CBLB: variants seen among roughly 807,000 people sequenced by gnomAD.
The protein encoded by CBLB is E3 ubiquitin-protein ligase CBL-B.
Under a neutral mutation model 104.9 loss-of-function variants are expected in CBLB, and 31 were observed. The observed-to-expected ratio is 0.30, with a 90% CI of 0.22 to 0.40. The LOEUF is 0.40. Ranked by LOEUF, CBLB falls within the 10% of genes least tolerant of loss-of-function variation. The pLI, the probability that CBLB is intolerant of heterozygous loss-of-function variation, is 1.00. For synonymous variants in CBLB, 440 were observed against 422.6 expected (o/e 1.04, Z -0.51); for missense variants, 1,062 against 1,214.6 (o/e 0.87, Z 1.87).
chr3:105,740,327 C>G (rs1414120151), intron 7 of CBLB, among the ~76,000 whole-genome samples, 167 bp downstream of exon 7: 2 of 151,988 alleles, frequency 1.3e-5, no homozygotes, highest in African/African-American at 4.8e-5. Context: ...ATTAGGTTAC[C>G]TTAAAATGAT....
intron 3 of CBLB, among the ~76,000 whole-genome samples, chr3:105,815,535 A>T (rs1476741760): frequency 1.3e-5 from 2 of 152,216 alleles, no homozygotes; most frequent in African/African-American, 2.4e-5. Context: ...ATCACTAAAA[A>T]GTCAGGAAAA....
intron 12 of CBLB, among the ~76,000 whole-genome samples, chr3:105,694,024 C>T (rs55782309): frequency 0.02 from 3,041 of 151,858 alleles, 45 homozygotes; most frequent in Non-Finnish European, 0.029. Context: ...CCATGGTGAA[C>T]GGAACATTCT....
chr3:105,803,248 A>G (rs1018761258), intron 3 of CBLB, among the ~76,000 whole-genome samples: 11 of 152,202 alleles, frequency 7.2e-5, no homozygotes, highest in African/African-American at 2.7e-4. Context: ...TAATTATGGA[A>G]CTTCTACTTA....
At chr3:105,780,323 A>G (rs2152973067) in intron 3 of CBLB, among the ~76,000 whole-genome samples, 1 of 152,246 alleles carries the variant, frequency 6.6e-6, no homozygotes, top group African/African-American at 2.4e-5. Flanking sequence ...AATCTTCCCT[A>G]AGCCCATGGG....
chr3:105,735,688 C>T (rs998664415), intron 8 of CBLB, among the ~76,000 whole-genome samples: 2 of 152,154 alleles, frequency 1.3e-5, no homozygotes, highest in Middle Eastern at 3.2e-3. Context: ...TGGTGGCTCA[C>T]GCCTGTAATC....
chr3:105,799,264 G>C (rs563328863), intron 3 of CBLB, among the ~76,000 whole-genome samples: 1 of 149,370 alleles, frequency 6.7e-6, no homozygotes, highest in East Asian at 2.0e-4. Context: ...AAATAAAAAA[G>C]CAAATTAGCA....
chr3:105,807,368 G>A (rs997181760), intron 3 of CBLB, among the ~76,000 whole-genome samples: 9 of 152,144 alleles, frequency 5.9e-5, no homozygotes, highest in African/African-American at 1.9e-4. Context: ...AACAGGTTGG[G>A]CAACATGTCC....
At chr3:105,773,591 T>C (rs1243669567) in intron 4 of CBLB, among the ~76,000 whole-genome samples, 2 of 152,180 alleles carry the variant, frequency 1.3e-5, no homozygotes, top group Non-Finnish European at 2.9e-5. Flanking sequence ...TCTAATCACA[T>C]TGATGTGCTT....
At chr3:105,711,073 C>A (rs1010722343) in intron 10 of CBLB, among the ~76,000 whole-genome samples, 2 of 151,770 alleles carry the variant, frequency 1.3e-5, no homozygotes, top group African/African-American at 2.4e-5. Context: ...ATGGAAATGG[C>A]AAAACATTTG....
At chr3:105,680,653 C>T (rs2066206018) in intron 16 of CBLB, among the ~76,000 whole-genome samples, 1 of 152,190 alleles carries the variant, frequency 6.6e-6, no homozygotes, top group African/African-American at 2.4e-5. Flanking sequence ...ATTCAAAATA[C>T]TAGTCAGTGG....
chr3:105,869,422 T>A (rs1348117119), upstream of CBLB: 4 of 1,330,770 alleles, frequency 3.0e-6, no homozygotes, highest in African/African-American at 3.0e-5. Flanking sequence ...CTGCTTCGCT[T>A]ACCTTCCTAG....
chr3:105,733,960 A>G (rs1438948705), intron 9 of CBLB, 49 bp downstream of exon 9: 1 of 1,568,110 alleles, frequency 6.4e-7, no homozygotes, highest in Non-Finnish European at 8.8e-7. Context: ...GAAAAGAGAA[A>G]TATTAGTAGG....
At chr3:105,868,342 C>A in intron 1 of CBLB, 1 of 619,512 alleles carries the variant, frequency 1.6e-6, no homozygotes, top group Non-Finnish European at 2.3e-6. Context: ...TGTTTCAGGA[C>A]GCCTGTGTCC....
chr3:105,807,294 C>A (rs555405643), intron 3 of CBLB, among the ~76,000 whole-genome samples: 54 of 152,318 alleles, frequency 3.5e-4, no homozygotes, highest in Admixed American at 1.3e-3. Context: ...CAGTGACTCA[C>A]ACCTGTAATC....
intron 3 of CBLB, among the ~76,000 whole-genome samples, chr3:105,795,913 T>G (rs2082205851): frequency 1.3e-5 from 2 of 151,494 alleles, no homozygotes; most frequent in African/African-American, 2.4e-5. Flanking sequence ...CTGGTTAATT[T>G]TTGTATTTTT....
chr3:105,835,977 G>C (rs1011366001), intron 3 of CBLB, among the ~76,000 whole-genome samples: 1 of 151,586 alleles, frequency 6.6e-6, no homozygotes, highest in Non-Finnish European at 1.5e-5. Context: ...TTACATAATG[G>C]AATGTTATCT....
At chr3:105,719,754 C>G (rs1225124123) in intron 10 of CBLB, among the ~76,000 whole-genome samples, 1 of 151,958 alleles carries the variant, frequency 6.6e-6, no homozygotes, top group Non-Finnish European at 1.5e-5. Flanking sequence ...AAAAGTTAAC[C>G]GTAACATAGT....
chr3:105,861,157 T>C (rs1020104705), intron 2 of CBLB, among the ~76,000 whole-genome samples: 16 of 151,858 alleles, frequency 1.1e-4, no homozygotes, highest in Non-Finnish European at 1.8e-4. Context: ...TTTAGTAAAA[T>C]TGTAATAATA....
intron 3 of CBLB, among the ~76,000 whole-genome samples, chr3:105,848,019 T>TAC (rs2090496589): frequency 1.3e-5 from 2 of 151,834 alleles, no homozygotes. Flanking sequence ...TCTCCACACA[T>TAC]ACACACACAT....
Sources: gnomAD v4.1 joint callset for allele counts (sites outside exome capture counted in the v4.1 genomes callset) on GRCh38, gnomAD v4.1.1 for gene constraint, MANE v1.5 for transcripts, NCBI Gene and HGNC (gene_info 2026-07-23, HGNC 2026-07-21) for gene names.